CERKL: variants seen among roughly 807,000 people sequenced by gnomAD.
CERKL encodes the protein ceramide kinase-like protein.
A neutral mutation model predicts 63.4 loss-of-function variants in CERKL; 61 were observed. The observed-to-expected ratio is 0.96, with a 90% CI of 0.78 to 1.19. The LOEUF is 1.19. Among genes scored for constraint, CERKL ranks in the 50% most tolerant of loss-of-function variants. CERKL has a pLI of 0.00. For synonymous variants in CERKL, 250 were observed against 230.5 expected (o/e 1.08, Z -0.77); for missense variants, 675 against 655.5 (o/e 1.03, Z -0.33).
At chr2:181,608,576 C>A (rs1046195085) in intron 1 of CERKL, among the ~76,000 whole-genome samples, 1 of 152,094 alleles carries the variant, frequency 6.6e-6, no homozygotes, top group Non-Finnish European at 1.5e-5. Context: ...ATGACTATTC[C>A]AATGTAAAAT....
chr2:181,628,097 GT>G (rs1204467820), intron 1 of CERKL, among the ~76,000 whole-genome samples: 1 of 65,802 alleles, frequency 1.5e-5, no homozygotes, highest in Non-Finnish European at 2.5e-5. Context: ...ATTTTTTTGT[GT>G]TAAAAAAAAA....
intron 1 of CERKL, among the ~76,000 whole-genome samples, chr2:181,616,660 G>C (rs996746536): frequency 3.3e-5 from 5 of 152,058 alleles, no homozygotes; most frequent in African/African-American, 1.2e-4. Context: ...CTTTGAAAAA[G>C]AACAGTATAA....
At chr2:181,581,158 T>C (rs900631463) in intron 2 of CERKL, among the ~76,000 whole-genome samples, 1 of 152,202 alleles carries the variant, frequency 6.6e-6, no homozygotes, top group Non-Finnish European at 1.5e-5. Flanking sequence ...ATTTGTTGTT[T>C]CAGTTATACA....
rs201157260 is a variant in CERKL at position 181,565,423 on chromosome 2, T to C, written c.677+635A>G. ...TTTTAAAAAATGGCAATGAAATTTA[T>C]ATCACTTGCCTTGGTTCTAACGTTT... On this transcript the variant is annotated intron_variant, in intron 4 of 12. Coordinates refer to ENST00000410087, the MANE Select transcript of CERKL (RefSeq NM_201548.5). 6.1e-5 allele frequency: 97 copies of C among 1,602,190 alleles called. No homozygotes were observed. Among genetic ancestry groups the C allele is most frequent in the Non-Finnish European group, 6.6e-5 (77 of 1,169,840 alleles).
chr2:181,544,594 A>C, intron 11 of CERKL, 106 bp downstream of exon 11: 2 of 679,870 alleles, frequency 2.9e-6, no homozygotes, highest in South Asian at 1.9e-5. Flanking sequence ...TATTCAGAAG[A>C]AAATAAAACC....
intron 1 of CERKL, among the ~76,000 whole-genome samples, chr2:181,614,472 T>G (rs78698354): frequency 6.6e-6 from 1 of 152,332 alleles, no homozygotes; most frequent in African/African-American, 2.4e-5. Flanking sequence ...GGTATCACCT[T>G]AAGAATGACT....
chr2:181,643,699 T>C (rs1171710592), intron 1 of CERKL, among the ~76,000 whole-genome samples: 3 of 152,226 alleles, frequency 2.0e-5, no homozygotes, highest in Non-Finnish European at 4.4e-5. Context: ...AGGAGACACA[T>C]GTTTCCAACA....
chr2:181,602,618 A>G (rs73037324), intron 2 of CERKL, among the ~76,000 whole-genome samples: 4,377 of 152,294 alleles, frequency 0.029, 208 homozygotes, highest in African/African-American at 0.098. Context: ...TTTTAATGTA[A>G]TGTCACTTCA....
intron 11 of CERKL, among the ~76,000 whole-genome samples, chr2:181,541,839 G>A (rs533248400): frequency 2.0e-5 from 3 of 152,166 alleles, no homozygotes; most frequent in African/African-American, 4.8e-5. Flanking sequence ...CCATTGACCC[G>A]CACAGAGCAA....
At chr2:181,635,568 T>C (rs895522734) in intron 1 of CERKL, among the ~76,000 whole-genome samples, 1 of 152,104 alleles carries the variant, frequency 6.6e-6, no homozygotes, top group African/African-American at 2.4e-5. Flanking sequence ...CTTCAAAACA[T>C]GAAAACATAC....
intron 3 of CERKL, among the ~76,000 whole-genome samples, chr2:181,567,405 A>C (rs1389238484): frequency 1.3e-5 from 2 of 152,188 alleles, no homozygotes; most frequent in Non-Finnish European, 2.9e-5. Flanking sequence ...ACCAAAGCTT[A>C]CATTGGTAAA....
chr2:181,620,216 T>C (rs1273046734), intron 1 of CERKL, among the ~76,000 whole-genome samples: 1 of 152,168 alleles, frequency 6.6e-6, no homozygotes, highest in African/African-American at 2.4e-5. Flanking sequence ...TGGGCTTCCT[T>C]ATTGGTAAAG....
In CERKL at chr2:181,548,605, C is replaced by G. The variant is rs927261937; in HGVS notation, c.1074-1G>C. 16 of 1,613,012 alleles carry G rather than the reference C, an allele frequency of 9.9e-6. No homozygotes were observed. Among genetic ancestry groups the G allele is most frequent in the Non-Finnish European group, 1.2e-5 (14 of 1,179,432 alleles). On this transcript the variant is annotated splice_acceptor_variant, in intron 7 of 12. Transcript: ENST00000410087. LOFTEE classifies it high-confidence loss of function. ...AAATGATATTTCACAGTCTTCTGCC[C>G]TAAAATGTAATGAAATTTGTTATTA...
intron 1 of CERKL, among the ~76,000 whole-genome samples, chr2:181,607,995 ATTTCTT>A (rs1553519412): frequency 3.3e-5 from 5 of 152,138 alleles, no homozygotes; most frequent in African/African-American, 2.4e-5. Flanking sequence ...ATATCTTTTC[ATTTCTT>A]TTTCTTTAAG....
intron 2 of CERKL, among the ~76,000 whole-genome samples, chr2:181,579,412 G>A (rs1439535083): frequency 5.3e-5 from 8 of 151,820 alleles, no homozygotes; most frequent in African/African-American, 1.9e-4. Context: ...TTTTGTAAAT[G>A]TTTAAGAGTT....
At chr2:181,650,770 A>T (rs867139657) in intron 1 of CERKL, among the ~76,000 whole-genome samples, 1 of 148,982 alleles carries the variant, frequency 6.7e-6, no homozygotes, top group Middle Eastern at 3.2e-3. Flanking sequence ...AAAAAAAAAG[A>T]AAGAAAGAAA....
chr2:181,562,232 T>C (rs1038539130), intron 4 of CERKL, among the ~76,000 whole-genome samples: 5 of 152,190 alleles, frequency 3.3e-5, no homozygotes, highest in Non-Finnish European at 5.9e-5. Flanking sequence ...AATTCATCTG[T>C]GAGCTCCCCT....
chr2:181,648,124 T>C (rs1187013229), intron 1 of CERKL, among the ~76,000 whole-genome samples: 1 of 152,102 alleles, frequency 6.6e-6, no homozygotes, highest in Non-Finnish European at 1.5e-5. Flanking sequence ...AATGAAATAA[T>C]AGCTAAAAAC....
Position 181,537,240 on chromosome 2 carries a change from G to A in CERKL, c.*944C>T, listed in dbSNP as rs1192041521. 2.2e-6 allele frequency: 1 copy of A among 453,678 alleles called. No individual in the cohort carries two copies. The highest frequency in any genetic ancestry group is 4.4e-6 in the Non-Finnish European group (1 of 226,720). 28.1% of individuals were successfully genotyped at this position (453,678 alleles called of 1,614,324 possible). ...TGTCTTCTCCAGGATGGTCTCTAAG[G>A]AAATTTACATTTGGTTCTTTCCTAC... On this transcript the variant is annotated 3_prime_UTR_variant, in exon 13 of 13. Transcript: ENST00000410087.
Sources: allele counts gnomAD v4.1 joint callset (sites outside exome capture counted in the v4.1 genomes callset), GRCh38; gene constraint gnomAD v4.1.1; transcripts MANE v1.5; gene names NCBI Gene and HGNC (gene_info 2026-07-23, HGNC 2026-07-21).